PTPRD: variants seen among roughly 807,000 people sequenced by gnomAD.
PTPRD encodes protein tyrosine phosphatase receptor type D.
In PTPRD, 34 loss-of-function variants were observed where a neutral mutation model predicts 214.5. The observed-to-expected ratio is 0.16, with a 90% CI of 0.12 to 0.21. The LOEUF is 0.21. Among genes scored for constraint, PTPRD ranks in the 10% least tolerant of loss-of-function variants. The probability of loss-of-function intolerance (pLI) is 1.00; values close to 1 mark genes in which losing one functional copy is unlikely to be tolerated. For missense variants in PTPRD, 2,545 were observed against 2,398.7 expected (o/e 1.06, Z -1.27); for synonymous variants, 1,128 against 845.7 (o/e 1.33, Z -5.79).
intron 11 of PTPRD, among the ~76,000 whole-genome samples, chr9:8,889,918 C>T (rs1189777028): frequency 6.6e-6 from 1 of 152,174 alleles, no homozygotes; most frequent in Middle Eastern, 3.2e-3. Flanking sequence ...CTGCTATAAA[C>T]ATGCATGTGC....
At chr9:9,826,242 C>T (rs879583935) in intron 5 of PTPRD, among the ~76,000 whole-genome samples, 1 of 151,412 alleles carries the variant, frequency 6.6e-6, no homozygotes, top group Non-Finnish European at 1.5e-5. Flanking sequence ...TATTTGTTTG[C>T]TCTTATCTTC....
chr9:9,726,605 T>C (rs546395637), intron 7 of PTPRD, among the ~76,000 whole-genome samples: 1 of 152,308 alleles, frequency 6.6e-6, no homozygotes, highest in South Asian at 2.1e-4. Context: ...ATCTCAATCA[T>C]CTTCCACTAT....
intron 2 of PTPRD, among the ~76,000 whole-genome samples, chr9:10,562,998 G>C (rs953916766): frequency 5.9e-4 from 90 of 152,218 alleles, no homozygotes; most frequent in African/African-American, 2.1e-3. Flanking sequence ...GAAATGATGA[G>C]ACATTAAGGC....
chr9:8,463,583 G>C (rs1318115485), intron 32 of PTPRD, among the ~76,000 whole-genome samples: 1 of 151,758 alleles, frequency 6.6e-6, no homozygotes, highest in East Asian at 1.9e-4. Flanking sequence ...AAAGAACATA[G>C]ATTTCCAACC....
chr9:9,180,031 G>T (rs1282189258), intron 10 of PTPRD, among the ~76,000 whole-genome samples: 1 of 152,046 alleles, frequency 6.6e-6, no homozygotes, highest in Non-Finnish European at 1.5e-5. Context: ...AGAGTGAAAA[G>T]TTAAGTATTT....
chr9:10,297,068 T>C lies in PTPRD; in HGVS notation c.-545+43895A>G, dbSNP rs922487047. On this transcript the variant is annotated intron_variant, in intron 3 of 45. Coordinates refer to ENST00000381196, the MANE Select transcript of PTPRD (RefSeq NM_002839.4). The stretch of plus-strand genomic sequence containing the variant: ...GGTAAATCTGAGTTTCCAGGGAACA[T>C]AGAGCACAAATGGAGAAAGTCTGCA... Among the ~76,000 whole-genome samples the C allele has an allele frequency of 3.3e-4, 50 of 149,276 alleles. 1 individual carries two copies. The Admixed American group carries it at 3.4e-3, about 10-fold the overall frequency.
At chr9:10,172,847 G>C (rs1208999060) in intron 3 of PTPRD, among the ~76,000 whole-genome samples, 5 of 152,146 alleles carry the variant, frequency 3.3e-5, no homozygotes, top group Non-Finnish European at 5.9e-5. Context: ...AATGTATATG[G>C]AATCAAAGAT....
intron 4 of PTPRD, among the ~76,000 whole-genome samples, chr9:9,939,895 A>C (rs539702087): frequency 6.6e-6 from 1 of 152,166 alleles, no homozygotes; most frequent in African/African-American, 2.4e-5. Context: ...TTAATCTCAG[A>C]TCATTCTGGA....
chr9:10,469,072 T>C (rs1421636436), intron 2 of PTPRD, among the ~76,000 whole-genome samples: 1 of 152,140 alleles, frequency 6.6e-6, no homozygotes, highest in Non-Finnish European at 1.5e-5. Context: ...AAGATAGGTA[T>C]ATAGTAAGTA....
chr9:9,704,148 G>T (rs1228588608), intron 7 of PTPRD, among the ~76,000 whole-genome samples: 1 of 152,110 alleles, frequency 6.6e-6, no homozygotes, highest in Non-Finnish European at 1.5e-5. Context: ...ATCTCATAAT[G>T]CAAAGTGGCT....
At chr9:10,132,306 C>A (rs2098898044) in intron 3 of PTPRD, among the ~76,000 whole-genome samples, 1 of 151,982 alleles carries the variant, frequency 6.6e-6, no homozygotes, top group African/African-American at 2.4e-5. Context: ...TTTAATATAT[C>A]ATTGATTATT....
intron 3 of PTPRD, among the ~76,000 whole-genome samples, chr9:10,323,812 C>T (rs959340359): frequency 6.6e-6 from 1 of 151,524 alleles, no homozygotes; most frequent in African/African-American, 2.4e-5. Flanking sequence ...TTATTTATTC[C>T]ACATTGTATC....
Position 9,208,809 on chromosome 9 carries a change from CT to C in PTPRD, c.-202-25447del, listed in dbSNP as rs1185200906. Among the ~76,000 whole-genome samples, 1,346 of 146,790 alleles carry C rather than the reference CT, an allele frequency of 9.2e-3. 16 individuals are homozygous for C. The highest frequency in any genetic ancestry group is 0.028 in the African/African-American group (1,111 of 40,192). On this transcript the variant is annotated intron_variant, in intron 9 of 45. Transcript: ENST00000381196. ...AAAGAAACCCAGAGACAATATAACT[CT>C]TTTTTTTTTTTCTTTGAGATGGAGT...
chr9:10,203,177 T>C (rs1351129486), intron 3 of PTPRD, among the ~76,000 whole-genome samples: 1 of 151,486 alleles, frequency 6.6e-6, no homozygotes, highest in African/African-American at 2.4e-5. Flanking sequence ...CTCTTTTTTT[T>C]TTTTTTTTTT....
At chr9:9,155,548 G>A (rs1461290597) in intron 10 of PTPRD, among the ~76,000 whole-genome samples, 4 of 152,128 alleles carry the variant, frequency 2.6e-5, no homozygotes, top group Admixed American at 2.6e-4. Context: ...AATCAACATT[G>A]CTTATTAGTG....
chr9:9,315,524 T>C (rs1444708508), intron 9 of PTPRD, among the ~76,000 whole-genome samples: 4 of 152,014 alleles, frequency 2.6e-5, no homozygotes, highest in Admixed American at 2.0e-4. Flanking sequence ...ATTCCAAATA[T>C]AGTTTTGAAA....
intron 9 of PTPRD, among the ~76,000 whole-genome samples, chr9:9,384,706 C>T (rs1194151781): frequency 6.6e-6 from 1 of 151,858 alleles, no homozygotes; most frequent in Non-Finnish European, 1.5e-5. Context: ...ATAAAATGAG[C>T]TCCTTGATCA....
In PTPRD at chr9:9,986,483, G is replaced by A. The variant is rs372191740; in HGVS notation, c.-472+47235C>T. 6.6e-5 allele frequency among the ~76,000 whole-genome samples: 10 copies of A among 152,210 alleles called. No individual in the cohort carries two copies. The East Asian group carries it at 7.7e-4, about 12-fold the overall frequency. ...ATAATTATAAAGTAATATCACTGCT[G>A]TAAGTAAAATGTATGCATGTGTAAA... On this transcript the variant is annotated intron_variant, in intron 4 of 45. Coordinates refer to ENST00000381196, the MANE Select transcript of PTPRD (RefSeq NM_002839.4).
At chr9:8,744,099 C>A (rs769409117) in intron 11 of PTPRD, among the ~76,000 whole-genome samples, 1 of 152,066 alleles carries the variant, frequency 6.6e-6, no homozygotes, top group East Asian at 1.9e-4. Flanking sequence ...CAATGCAATA[C>A]CACCTCGGTC....
Sources: gnomAD v4.1 joint callset for allele counts (sites outside exome capture counted in the v4.1 genomes callset) on GRCh38, gnomAD v4.1.1 for gene constraint, MANE v1.5 for transcripts, NCBI Gene and HGNC (gene_info 2026-07-23, HGNC 2026-07-21) for gene names.